Variants in AGPAT5 observed in about 807,000 individuals in gnomAD.
The protein encoded by AGPAT5 is 1-acyl-sn-glycerol-3-phosphate acyltransferase epsilon.
In AGPAT5, 46 loss-of-function variants were observed where a neutral mutation model predicts 45.6. That is an observed-to-expected ratio of 1.01 (90% CI 0.80 to 1.29). AGPAT5 has a LOEUF of 1.29. AGPAT5 is among the 50% of genes most tolerant of loss of function. AGPAT5 has a pLI of 0.00. For missense variants in AGPAT5, 673 were observed against 450.7 expected, an observed-to-expected ratio of 1.49 and a Z score of -4.47; for synonymous variants, 272 against 167.0, an observed-to-expected ratio of 1.63 and a Z score of -4.85.
chr8:6,721,428 T>G (rs1800493213), intron 1 of AGPAT5, among the ~76,000 whole-genome samples: 1 of 152,208 alleles, frequency 6.6e-6, no homozygotes, highest in South Asian at 2.1e-4. Context: ...AAAGTTCCAT[T>G]TCATGGGATA....
intron 4 of AGPAT5, 76 bp from the exon 5 acceptor site, chr8:6,741,585 G>C: frequency 1.0e-6 from 1 of 1,001,452 alleles, no homozygotes; most frequent in Non-Finnish European, 1.5e-6. Flanking sequence ...GCATTAGTAG[G>C]TTTAGCTTTT....
chr8:6,729,406 C>T (rs774252325), intron 2 of AGPAT5, among the ~76,000 whole-genome samples: 16 of 149,684 alleles, frequency 1.1e-4, no homozygotes, highest in Non-Finnish European at 2.4e-4. Context: ...ATTTTCATGG[C>T]CTGAGAACAT....
intron 7 of AGPAT5, among the ~76,000 whole-genome samples, 165 bp from the exon 8 acceptor site, chr8:6,756,998 G>A (rs1801864441): frequency 6.6e-6 from 1 of 152,148 alleles, no homozygotes; most frequent in Non-Finnish European, 1.5e-5. Flanking sequence ...TATTTTAGAA[G>A]ACTAGAAACT....
At chr8:6,739,385 G>T (rs559283983) in intron 4 of AGPAT5, among the ~76,000 whole-genome samples, 2 of 152,078 alleles carry the variant, frequency 1.3e-5, no homozygotes, top group Non-Finnish European at 2.9e-5. Context: ...GGGAAGAATT[G>T]ATATAACAGG....
At chr8:6,710,367 C>A (rs911119646) in intron 1 of AGPAT5, among the ~76,000 whole-genome samples, 1 of 152,154 alleles carries the variant, frequency 6.6e-6, no homozygotes, top group South Asian at 2.1e-4. Flanking sequence ...ATTCCCCCCA[C>A]CGTCTGTTCA....
intron 4 of AGPAT5, among the ~76,000 whole-genome samples, chr8:6,738,138 C>G (rs7840157): frequency 0.2 from 30,177 of 152,242 alleles, 3,394 homozygotes; most frequent in East Asian, 0.3. Context: ...CGCAACTTGG[C>G]TGTTTAGTGG....
chr8:6,724,731 C>G, intron 1 of AGPAT5, 139 bp from the exon 2 acceptor site: 1 of 315,956 alleles, frequency 3.2e-6, no homozygotes, highest in East Asian at 5.1e-5. Context: ...CTCTGAGGCT[C>G]CTGTGAGAAA....
rs116640425 is a variant in AGPAT5 at position 6,713,514 on chromosome 8, A to G, written c.219+4627A>G. Reference sequence around the variant, plus strand: ...CAAGAAAGAAGATAAAGAATTTAAGATTTTGACATTTCTCTAATATGCCCT... The same window carrying G: ...CAAGAAAGAAGATAAAGAATTTAAGGTTTTGACATTTCTCTAATATGCCCT... On this transcript the variant is annotated intron_variant, in intron 1 of 7. Coordinates refer to ENST00000285518, the MANE Select transcript of AGPAT5 (RefSeq NM_018361.5). Among the ~76,000 whole-genome samples the G allele has an allele frequency of 9.2e-3, 1,399 of 152,304 alleles. 26 individuals carry two copies. The highest frequency in any genetic ancestry group is 0.031 in the African/African-American group (1,281 of 41,562).
intron 6 of AGPAT5, among the ~76,000 whole-genome samples, chr8:6,753,483 G>A (rs1801723950): frequency 6.6e-6 from 1 of 152,146 alleles, no homozygotes; most frequent in Non-Finnish European, 1.5e-5. Flanking sequence ...GTAATTTGTG[G>A]CTAAAACACT....
rs148716804 is a variant in AGPAT5, at chr8:6,761,342, T to TA, written c.*3960dup. ...TTTTATAAATGTTCATGTCTTTTTTTAAAAAAGGTGCTATTGAAATTCTGT... is the reference window on the plus strand; with the variant it reads ...TTTTATAAATGTTCATGTCTTTTTTTAAAAAAAGGTGCTATTGAAATTCTGT... On this transcript the variant is annotated 3_prime_UTR_variant, in exon 8 of 8. Transcript: ENST00000285518. 0.037 allele frequency among the ~76,000 whole-genome samples: 5,593 copies of TA among 152,264 alleles called. 238 individuals carry two copies. Among genetic ancestry groups the TA allele is most frequent in the African/African-American group, 0.1 (4,190 of 41,540 alleles).
intron 5 of AGPAT5, among the ~76,000 whole-genome samples, chr8:6,744,963 C>T (rs898195953): frequency 6.6e-6 from 1 of 152,250 alleles, no homozygotes; most frequent in Non-Finnish European, 1.5e-5. Flanking sequence ...CATTTCATTT[C>T]AGCCGAGCCA....
chr8:6,712,947 A>T (rs1382294961), intron 1 of AGPAT5, among the ~76,000 whole-genome samples: 5 of 152,142 alleles, frequency 3.3e-5, no homozygotes, highest in Admixed American at 2.0e-4. Flanking sequence ...CTGAAAACTG[A>T]TCATTGAAAT....
At chr8:6,756,660 A>G (rs980633059) in intron 7 of AGPAT5, among the ~76,000 whole-genome samples, 3 of 151,938 alleles carry the variant, frequency 2.0e-5, no homozygotes, top group Admixed American at 6.6e-5. Context: ...GTTATATTCA[A>G]ATACATGCCA....
intron 7 of AGPAT5, among the ~76,000 whole-genome samples, chr8:6,756,904 G>A (rs1801860363): frequency 1.3e-5 from 2 of 152,116 alleles, no homozygotes; most frequent in Non-Finnish European, 2.9e-5. Flanking sequence ...AAGACAAAAA[G>A]CATCCTCATA....
At chr8:6,742,137 G>A (rs905636809) in intron 5 of AGPAT5, among the ~76,000 whole-genome samples, 15 of 152,156 alleles carry the variant, frequency 9.9e-5, no homozygotes, top group African/African-American at 3.6e-4. Context: ...TTTATTAGCT[G>A]TATGGTTGCA....
intron 4 of AGPAT5, chr8:6,738,559 A>G (rs888944977): frequency 1.3e-5 from 2 of 152,260 alleles, no homozygotes; most frequent in Admixed American, 1.3e-4. Context: ...AGGTGAGCAC[A>G]TACTGTTGGA....
At chr8:6,726,830 A>G (rs147853755) in intron 2 of AGPAT5, among the ~76,000 whole-genome samples, 1 of 152,290 alleles carries the variant, frequency 6.6e-6, no homozygotes, top group African/African-American at 2.4e-5. Context: ...TCCCAGCAGG[A>G]TTTGGGAAGG....
intron 1 of AGPAT5, among the ~76,000 whole-genome samples, chr8:6,717,586 A>T (rs745973252): frequency 1.3e-5 from 2 of 152,250 alleles, no homozygotes; most frequent in Non-Finnish European, 2.9e-5. Flanking sequence ...AAAGAAATGA[A>T]CAAAGAACTG....
At chr8:6,752,585 C>G (rs990382029) in intron 6 of AGPAT5, among the ~76,000 whole-genome samples, 5 of 151,740 alleles carry the variant, frequency 3.3e-5, no homozygotes, top group African/African-American at 1.2e-4. Flanking sequence ...CTTGGTTTTG[C>G]AGCAAGTAGA....
Sources: allele counts gnomAD v4.1 joint callset (sites outside exome capture counted in the v4.1 genomes callset), GRCh38; gene constraint gnomAD v4.1.1; transcripts MANE v1.5; gene names NCBI Gene and HGNC (gene_info 2026-07-23, HGNC 2026-07-21).